The following TPP2 variants were observed in gnomAD, a reference collection of about 807,000 sequenced individuals.
The protein encoded by TPP2 is tripeptidyl peptidase 2, also known as tripeptidyl-peptidase 2.
A neutral mutation model predicts 155.9 loss-of-function variants in TPP2; 34 were observed. The ratio of observed to expected loss-of-function variants is 0.22; its 90% CI spans 0.17 to 0.29. TPP2 has a LOEUF of 0.29. Among genes scored for constraint, TPP2 ranks in the 10% least tolerant of loss-of-function variants. TPP2 has a pLI of 1.00. For synonymous variants in TPP2, 510 were observed against 529.4 expected, an observed-to-expected ratio of 0.96 and a Z score of 0.50; for missense variants, 1,028 against 1,522.3, an observed-to-expected ratio of 0.68 and a Z score of 5.40.
intron 27 of TPP2, among the ~76,000 whole-genome samples, 189 bp from the exon 28 acceptor site, chr13:102,674,094 A>G (rs968750182): frequency 3.9e-5 from 6 of 152,210 alleles, no homozygotes; most frequent in African/African-American, 1.4e-4. Flanking sequence ...TGTGTAATAT[A>G]GTAGCTCATT....
At chr13:102,646,073 A>G (rs913404866) in intron 19 of TPP2, among the ~76,000 whole-genome samples, 3 of 152,240 alleles carry the variant, frequency 2.0e-5, no homozygotes, top group Non-Finnish European at 4.4e-5. Context: ...TGCCTTTGTC[A>G]TATTTATTGC....
intron 11 of TPP2, among the ~76,000 whole-genome samples, chr13:102,634,881 C>T (rs530481623): frequency 1.3e-5 from 2 of 152,330 alleles, no homozygotes; most frequent in South Asian, 2.1e-4. Flanking sequence ...CACTCTGCCT[C>T]GAAGTCCTGT....
In TPP2 at chr13:102,629,980, C is replaced by T. The variant is rs74112127; in HGVS notation, c.1145-116C>T. Reference sequence around the variant, plus strand: ...TCCTTATTAAATTTTATTCTTCCATCGTATTAGAGAGAGGACTGGTGTTGA... The same window carrying T: ...TCCTTATTAAATTTTATTCTTCCATTGTATTAGAGAGAGGACTGGTGTTGA... On this transcript the variant is annotated intron_variant, in intron 9 of 29. Coordinates refer to ENST00000376052, the MANE Select transcript of TPP2 (RefSeq NM_001330588.2). 6.1e-4 allele frequency: 455 copies of T among 741,288 alleles called. 4 individuals are homozygous for T. In the African/African-American group the frequency reaches 7.1e-3, roughly 12 times the overall value. 45.9% of individuals were successfully genotyped at this position (741,288 alleles called of 1,614,324 possible).
In TPP2 at chr13:102,664,826, A is replaced by G. The variant is rs759341884; in HGVS notation, c.3272A>G (p.Asp1091Gly). Reference protein sequence around the residue: ...ERMKRLNEIVDAANAVISHID... With the variant: ...ERMKRLNEIVGAANAVISHID... ...ATGAAAAGACTTAATGAAATTGTTGATGCGGCAAATGCTGTTATTTCTCAT... is the reference window on the plus strand; with the variant it reads ...ATGAAAAGACTTAATGAAATTGTTGGTGCGGCAAATGCTGTTATTTCTCAT... Residue 1091 changes from aspartate to glycine, a missense_variant, in exon 27 of 30, where the codon GAT becomes GGT. By Grantham distance (94) the Asp-to-Gly change is moderately conservative. This residue lies in a region of TPP2 where 179 missense variants were observed against 274.7 expected (regional missense o/e 0.65). Transcript: ENST00000376052. 6.2e-7 allele frequency: 1 copy of G among 1,613,480 alleles called. No individual in the cohort carries two copies. The highest frequency in any genetic ancestry group is 1.1e-5 in the South Asian group (1 of 90,982).
chr13:102,601,154 T>C (rs928966134), intron 1 of TPP2, among the ~76,000 whole-genome samples: 1 of 152,222 alleles, frequency 6.6e-6, no homozygotes, highest in Admixed American at 6.5e-5. Flanking sequence ...ATCTCTCTAC[T>C]TACTTTTTCT....
intron 2 of TPP2, chr13:102,607,717 G>C: frequency 2.3e-6 from 1 of 433,296 alleles, no homozygotes; most frequent in Non-Finnish European, 4.6e-6. Flanking sequence ...CTCCCGAGTA[G>C]CTGGGATTAC....
chr13:102,609,906 C>T (rs756018391), intron 2 of TPP2, among the ~76,000 whole-genome samples: 19 of 152,222 alleles, frequency 1.2e-4, no homozygotes, highest in Non-Finnish European at 2.2e-4. Context: ...TTCTCTGGTT[C>T]AGCTTGGTTG....
chr13:102,614,334 CAA>C (rs1395471965), intron 3 of TPP2, 138 bp downstream of exon 3: 2 of 644,900 alleles, frequency 3.1e-6, no homozygotes, highest in Non-Finnish European at 5.2e-6. Context: ...GGCTTTCAAA[CAA>C]TGACTGCTTA....
chr13:102,604,994 T>C, intron 2 of TPP2, 73 bp downstream of exon 2: 1 of 1,583,928 alleles, frequency 6.3e-7, no homozygotes, highest in Non-Finnish European at 8.6e-7. Flanking sequence ...GTTTTTACCT[T>C]ACATTTGGTG....
rs764079593 is a variant in TPP2, at chr13:102,649,523, TA to T, written c.2952+43del. The T allele has an allele frequency of 1.8e-5, 28 of 1,541,764 alleles. No homozygotes were observed. In the East Asian group the frequency reaches 6.3e-4, roughly 35 times the overall value. On this transcript the variant is annotated intron_variant, in intron 23 of 29. Transcript: ENST00000376052. ...TTTTTTAAACACTGAAATTACCTAT[TA>T]AAAAATTTCATTTCTTTAAAGATAA...
chr13:102,678,616 G>A lies in TPP2; in HGVS notation c.*300G>A, dbSNP rs948132398. 1 of 229,318 alleles carries A rather than the reference G, an allele frequency of 4.4e-6. No homozygotes were observed. The highest frequency in any genetic ancestry group is 8.6e-6 in the Non-Finnish European group (1 of 116,070). The allele number at this position is 229,318 out of a possible 1,614,324, so 14.2% of individuals were successfully genotyped here. A position where few individuals can be genotyped will look rare whatever the true frequency, so the allele number is the denominator to read the frequency against. Reference sequence around the variant, plus strand: ...GCTTATGACATGCATGATAGGTTTTGGAAGGTAACTTTTAACTGCAAACCT... The same window carrying A: ...GCTTATGACATGCATGATAGGTTTTAGAAGGTAACTTTTAACTGCAAACCT... On this transcript the variant is annotated 3_prime_UTR_variant, in exon 30 of 30. Transcript: ENST00000376052.
Position 102,663,876 on chromosome 13 carries a change from T to C in TPP2, c.3240+132T>C. On this transcript the variant is annotated intron_variant, in intron 26 of 29. Transcript: ENST00000376052. ...ATGTTTTCTCAAATTGAATGTTGTGTTAAGCTGTTTTCATGAAGGTTATTA... is the reference window on the plus strand; with the variant it reads ...ATGTTTTCTCAAATTGAATGTTGTGCTAAGCTGTTTTCATGAAGGTTATTA... 4.2e-6 allele frequency: 3 copies of C among 706,874 alleles called. No individual in the cohort carries two copies. The South Asian group carries it at 7.1e-5, about 17-fold the overall frequency. 43.8% of individuals were successfully genotyped at this position (706,874 alleles called of 1,614,324 possible). A position where few individuals can be genotyped will look rare whatever the true frequency, so the allele number is the denominator to read the frequency against.
chr13:102,653,086 G>A (rs975009941), intron 24 of TPP2, among the ~76,000 whole-genome samples: 5 of 152,158 alleles, frequency 3.3e-5, no homozygotes, highest in Admixed American at 2.0e-4. Flanking sequence ...GAATAGGAAG[G>A]CATTTACTTG....
intron 2 of TPP2, among the ~76,000 whole-genome samples, chr13:102,608,931 C>G (rs1880055040): frequency 6.6e-6 from 1 of 152,186 alleles, no homozygotes; most frequent in Non-Finnish European, 1.5e-5. Flanking sequence ...TATGTAGGGT[C>G]TTTTGGTGGG....
intron 4 of TPP2, among the ~76,000 whole-genome samples, chr13:102,617,326 G>A (rs1333188053): frequency 6.6e-6 from 1 of 152,150 alleles, no homozygotes; most frequent in African/African-American, 2.4e-5. Context: ...ACATGGGAGG[G>A]TGTAGTCCTT....
intron 25 of TPP2, among the ~76,000 whole-genome samples, chr13:102,659,416 T>C (rs1033781678): frequency 6.6e-6 from 1 of 152,152 alleles, no homozygotes; most frequent in African/African-American, 2.4e-5. Flanking sequence ...AGACATAGCA[T>C]GTTAAAAATA....
Position 102,615,001 on chromosome 13 carries a change from G to A in TPP2, c.390+805G>A, listed in dbSNP as rs139364668. On this transcript the variant is annotated intron_variant, in intron 3 of 29. Transcript: ENST00000376052. ...TACAAGTACCTAATACAAGTCCAGG[G>A]TTGCAGCTGTAAAATAAGGTATAAT... 2.0e-3 allele frequency among the ~76,000 whole-genome samples: 304 copies of A among 152,230 alleles called. 3 individuals are homozygous for A. Among genetic ancestry groups the A allele is most frequent in the African/African-American group, 7.0e-3 (291 of 41,550 alleles).
At chr13:102,608,187 T>C (rs1879995984) in intron 2 of TPP2, among the ~76,000 whole-genome samples, 1 of 152,226 alleles carries the variant, frequency 6.6e-6, no homozygotes, top group Non-Finnish European at 1.5e-5. Flanking sequence ...CAAAAAGAGT[T>C]AAATCCTGTC....
intron 25 of TPP2, among the ~76,000 whole-genome samples, chr13:102,660,997 G>A (rs1452291487): frequency 1.3e-5 from 2 of 152,040 alleles, no homozygotes; most frequent in Non-Finnish European, 2.9e-5. Context: ...AACTCAAAAT[G>A]TATCAAAGAG....
Sources: gnomAD v4.1 joint callset for allele counts (sites outside exome capture counted in the v4.1 genomes callset) on GRCh38, gnomAD v4.1.1 for gene constraint, gnomAD v4.1.1 regional missense constraint, MANE v1.5 for transcripts, NCBI Gene and HGNC (gene_info 2026-07-23, HGNC 2026-07-21) for gene names.